SCUBE1: variants seen among roughly 807,000 people sequenced by gnomAD.
The protein encoded by SCUBE1 is signal peptide, CUB and EGF-like domain-containing protein 1.
SCUBE1 carries 59 observed loss-of-function variants against 124.4 expected under a neutral mutation model. That is an observed-to-expected ratio of 0.47 (90% confidence interval 0.38 to 0.59). The LOEUF (loss-of-function observed/expected upper bound fraction) is 0.59, where lower values mean the gene tolerates loss of function less well. Among genes scored for constraint, SCUBE1 ranks in the 20% least tolerant of loss-of-function variants. The pLI, the probability that SCUBE1 is intolerant of heterozygous loss-of-function variation, is 0.00. For missense variants in SCUBE1, 1,150 were observed against 1,371.2 expected, an observed-to-expected ratio of 0.84 and a Z score of 2.55; for synonymous variants, 545 against 550.9, an observed-to-expected ratio of 0.99 and a Z score of 0.15.
intron 2 of SCUBE1, among the ~76,000 whole-genome samples, chr22:43,326,482 C>T (rs756850100): frequency 1.3e-5 from 2 of 152,014 alleles, no homozygotes; most frequent in Admixed American, 6.6e-5. Context: ...TCCGGTGGCT[C>T]GGGGTTAAGC....
chr22:43,251,778 G>A (rs1018485076), intron 6 of SCUBE1, among the ~76,000 whole-genome samples: 4 of 152,196 alleles, frequency 2.6e-5, no homozygotes, highest in East Asian at 1.9e-4. Flanking sequence ...AACGTGCGTC[G>A]TCTTAAGCAA....
chr22:43,253,730 C>T (rs1923547906), intron 6 of SCUBE1, among the ~76,000 whole-genome samples: 1 of 122,128 alleles, frequency 8.2e-6, no homozygotes, highest in African/African-American at 5.0e-5. Flanking sequence ...CCGCCTGCAC[C>T]ACCCATTTAC....
intron 8 of SCUBE1, among the ~76,000 whole-genome samples, chr22:43,230,924 G>C (rs559060153): frequency 6.6e-6 from 1 of 152,306 alleles, no homozygotes; most frequent in South Asian, 2.1e-4. Context: ...ACCCAGACAA[G>C]GCCACATGCT....
chr22:43,276,024 C>G (rs1047554829), intron 4 of SCUBE1: 1 of 152,470 alleles, frequency 6.6e-6, no homozygotes, highest in Non-Finnish European at 1.5e-5. Flanking sequence ...GAGTAGAGCT[C>G]GGACGTGGGA....
At chr22:43,206,961 T>A (rs1921315776) in intron 21 of SCUBE1, among the ~76,000 whole-genome samples, 1 of 152,124 alleles carries the variant, frequency 6.6e-6, no homozygotes, top group Admixed American at 6.5e-5. Flanking sequence ...TCAGAAGAAG[T>A]GACAGCGGGA....
chr22:43,260,924 T>G (rs1314358723), intron 5 of SCUBE1, among the ~76,000 whole-genome samples: 1 of 152,224 alleles, frequency 6.6e-6, no homozygotes, highest in African/African-American at 2.4e-5. Context: ...CTCCTCCTTG[T>G]AGTGCTTGTG....
chr22:43,311,990 G>C (rs4820518), intron 3 of SCUBE1, among the ~76,000 whole-genome samples: 1 of 151,842 alleles, frequency 6.6e-6, no homozygotes, highest in Admixed American at 6.6e-5. Flanking sequence ...GCATATTTGC[G>C]TTAGGGTGTG....
At chr22:43,263,518 C>T (rs908380875) in intron 4 of SCUBE1, among the ~76,000 whole-genome samples, 5 of 152,182 alleles carry the variant, frequency 3.3e-5, no homozygotes, top group East Asian at 3.9e-4. Context: ...GCTCGGGGAG[C>T]GGCAGTGAAG....
chr22:43,333,045 C>A (rs1926953949), intron 2 of SCUBE1, among the ~76,000 whole-genome samples: 1 of 152,138 alleles, frequency 6.6e-6, no homozygotes, highest in African/African-American at 2.4e-5. Context: ...AGCTCACATT[C>A]CAGGAGGAGA....
In SCUBE1 at chr22:43,197,538, C is replaced by T. The variant is rs1184760928; in HGVS notation, c.*6459G>A. ...TGTCCTGTTCCCCGAGCAATGTGGC[C>T]TGCGTCTGCTCGGCATGTTGGAGGT... On this transcript the variant is annotated 3_prime_UTR_variant, in exon 22 of 22. Transcript: ENST00000360835. 3 of 152,306 alleles carry T rather than the reference C, an allele frequency of 2.0e-5. No individual in the cohort carries two copies. Among genetic ancestry groups the T allele is most frequent in the Non-Finnish European group, 4.4e-5 (3 of 68,088 alleles). 9.4% of individuals were successfully genotyped at this position (152,306 alleles called of 1,614,324 possible). A position where few individuals can be genotyped will look rare whatever the true frequency, so the allele number is the denominator to read the frequency against.
At chr22:43,217,569 C>T (rs1921889700) in intron 15 of SCUBE1, among the ~76,000 whole-genome samples, 1 of 152,196 alleles carries the variant, frequency 6.6e-6, no homozygotes, top group Non-Finnish European at 1.5e-5. Flanking sequence ...TTGCTCTAAG[C>T]ATTCCTATGG....
rs767627855 is a variant in SCUBE1 at position 43,208,118 on chromosome 22, T to C, written c.2688A>G (p.Glu896=). ...CTTGGAAGCCTTTGCCGCTGTTGCC[T>C]TCATTGGATTTGAACTGGATCCAGA... ...RKLWIQFKSN[E]GNSGKGFQVP... is the part of the protein sequence containing the mutation. Residue 896 remains glutamate, a synonymous_variant, in exon 20 of 22, where the codon GAA becomes GAG. Transcript: ENST00000360835. The C allele has an allele frequency of 2.7e-5, 44 of 1,614,026 alleles. No homozygotes were observed. In the East Asian group the frequency reaches 9.8e-4, roughly 36 times the overall value.
chr22:43,279,770 C>A (rs866196409), intron 4 of SCUBE1, among the ~76,000 whole-genome samples: 47 of 152,210 alleles, frequency 3.1e-4, no homozygotes, highest in African/African-American at 1.1e-3. Flanking sequence ...TTGGACCCTC[C>A]TACAGCCTGT....
chr22:43,284,115 C>T (rs1429262650), intron 4 of SCUBE1, among the ~76,000 whole-genome samples: 1 of 152,228 alleles, frequency 6.6e-6, no homozygotes, highest in African/African-American at 2.4e-5. Flanking sequence ...GAGCAAGACC[C>T]GTGACAACAC....
chr22:43,239,630 C>A (rs1386974031), intron 6 of SCUBE1, among the ~76,000 whole-genome samples: 1 of 152,230 alleles, frequency 6.6e-6, no homozygotes, highest in Admixed American at 6.5e-5. Flanking sequence ...AGCCGTCATG[C>A]CGTGAGTGAG....
At chr22:43,214,921 A>C (rs2146659693) in intron 15 of SCUBE1, among the ~76,000 whole-genome samples, 1 of 152,322 alleles carries the variant, frequency 6.6e-6, no homozygotes, top group African/African-American at 2.4e-5. Flanking sequence ...TGAAGGTTAG[A>C]AAAGACCCTG....
At chr22:43,319,899 G>A (rs1250087269) in intron 3 of SCUBE1, 38 bp downstream of exon 3, 1 of 1,608,966 alleles carries the variant, frequency 6.2e-7, no homozygotes, top group South Asian at 1.1e-5. Context: ...CAACAGGCAG[G>A]GTGTGCCCAG....
intron 10 of SCUBE1, among the ~76,000 whole-genome samples, chr22:43,226,426 T>TG (rs139010): frequency 0.25 from 38,558 of 151,330 alleles, 5,103 homozygotes; most frequent in East Asian, 0.45. Context: ...AGTGCTGGTG[T>TG]GGGGGGGCCC....
chr22:43,296,877 A>AC (rs1438150706), intron 3 of SCUBE1, among the ~76,000 whole-genome samples: 2 of 152,192 alleles, frequency 1.3e-5, no homozygotes, highest in Admixed American at 6.5e-5. Context: ...TCGGAAAAAG[A>AC]CCACTCCAGT....
Sources: gnomAD v4.1 joint callset for allele counts (sites outside exome capture counted in the v4.1 genomes callset) on GRCh38, gnomAD v4.1.1 for gene constraint, MANE v1.5 for transcripts, NCBI Gene and HGNC (gene_info 2026-07-23, HGNC 2026-07-21) for gene names.